Variants in AGBL1 observed in about 807,000 individuals in gnomAD.
AGBL1 encodes the protein AGBL carboxypeptidase 1, also known as cytosolic carboxypeptidase 4.
In AGBL1, 130 loss-of-function variants were observed where a neutral mutation model predicts 118.9. The observed-to-expected ratio is 1.09, with a 90% CI of 0.95 to 1.26. AGBL1 has a LOEUF of 1.26. Ranked by LOEUF, AGBL1 falls within the 50% of genes most tolerant of loss-of-function variation. The probability of loss-of-function intolerance (pLI) is 0.00; values close to 1 mark genes in which losing one functional copy is unlikely to be tolerated. For synonymous variants in AGBL1, 555 were observed against 478.9 expected (o/e 1.16, Z -2.08); for missense variants, 1,584 against 1,298.1 (o/e 1.22, Z -3.38).
At chr15:86,848,344 A>G (rs1247028762) in intron 22 of AGBL1, among the ~76,000 whole-genome samples, 1 of 152,200 alleles carries the variant, frequency 6.6e-6, no homozygotes, top group African/African-American at 2.4e-5. Flanking sequence ...TTGCTGAGCT[A>G]AAAACTGTGC....
intron 5 of AGBL1, among the ~76,000 whole-genome samples, chr15:86,212,189 G>A (rs1597561834): frequency 6.6e-6 from 1 of 152,184 alleles, no homozygotes; most frequent in Non-Finnish European, 1.5e-5. Flanking sequence ...TTACTGTATA[G>A]CAGGTGCTAT....
At chr15:86,269,286 G>C (rs1043190173) in intron 13 of AGBL1, among the ~76,000 whole-genome samples, 3 of 152,148 alleles carry the variant, frequency 2.0e-5, no homozygotes, top group Admixed American at 1.3e-4. Flanking sequence ...ATATTTACTA[G>C]GTTATTTGAT....
At chr15:87,015,313 T>G (rs1465565187) in intron 24 of AGBL1, among the ~76,000 whole-genome samples, 1 of 152,170 alleles carries the variant, frequency 6.6e-6, no homozygotes, top group Middle Eastern at 3.2e-3. Flanking sequence ...TCCATAATCA[T>G]GGAAGCCAAT....
chr15:86,536,891 C>T (rs1245376580), intron 19 of AGBL1, among the ~76,000 whole-genome samples: 1 of 152,190 alleles, frequency 6.6e-6, no homozygotes, highest in Non-Finnish European at 1.5e-5. Context: ...GAAGTGAAAA[C>T]AGAGGCTTCC....
intron 22 of AGBL1, among the ~76,000 whole-genome samples, chr15:86,894,179 A>G (rs2080090393): frequency 6.6e-6 from 1 of 152,162 alleles, no homozygotes; most frequent in Non-Finnish European, 1.5e-5. Context: ...CCACATCTCA[A>G]TATTAAGGCC....
intron 21 of AGBL1, among the ~76,000 whole-genome samples, chr15:86,612,231 T>C (rs956848059): frequency 6.6e-6 from 1 of 152,090 alleles, no homozygotes; most frequent in Admixed American, 6.6e-5. Flanking sequence ...AGTCTTTGAA[T>C]ATGCAAATAG....
chr15:86,475,181 AG>A (rs1230078248), intron 18 of AGBL1, among the ~76,000 whole-genome samples: 1 of 152,228 alleles, frequency 6.6e-6, no homozygotes, highest in Non-Finnish European at 1.5e-5. Context: ...CCCCCTCCAA[AG>A]GAACGCGACT....
chr15:86,761,308 C>A (rs906294396), intron 22 of AGBL1, among the ~76,000 whole-genome samples: 1 of 152,064 alleles, frequency 6.6e-6, no homozygotes, highest in African/African-American at 2.4e-5. Flanking sequence ...CTAATTTGCA[C>A]CACTGCACTC....
intron 22 of AGBL1, among the ~76,000 whole-genome samples, chr15:86,900,827 A>G (rs2080202006): frequency 6.6e-6 from 1 of 152,152 alleles, no homozygotes; most frequent in Non-Finnish European, 1.5e-5. Context: ...TACTTTCTGG[A>G]AAGACTGTGC....
At chr15:86,999,476 G>C (rs12909064) in intron 24 of AGBL1, among the ~76,000 whole-genome samples, 78,343 of 143,650 alleles carry the variant, frequency 0.55, 23,705 homozygotes, top group South Asian at 0.72. Context: ...GCGGTGTTTG[G>C]TTTTTTGTTC....
chr15:86,979,500 C>T (rs1439003142), intron 23 of AGBL1, among the ~76,000 whole-genome samples: 1 of 146,068 alleles, frequency 6.8e-6, no homozygotes, highest in Non-Finnish European at 1.5e-5. Flanking sequence ...TTTTTTTTGG[C>T]GGGGGGGAGA....
intron 16 of AGBL1, among the ~76,000 whole-genome samples, chr15:86,289,001 C>T (rs1374013064): frequency 6.6e-6 from 1 of 152,066 alleles, no homozygotes; most frequent in Non-Finnish European, 1.5e-5. Flanking sequence ...TATTGCCATG[C>T]TTGCTTTAAT....
chr15:86,637,843 A>C (rs2085122664), intron 21 of AGBL1, among the ~76,000 whole-genome samples: 1 of 152,240 alleles, frequency 6.6e-6, no homozygotes, highest in South Asian at 2.1e-4. Flanking sequence ...AAGTTCTTTG[A>C]GGCAGTGGAC....
chr15:86,197,956 A>G (rs1597533844), intron 5 of AGBL1, among the ~76,000 whole-genome samples: 1 of 152,122 alleles, frequency 6.6e-6, no homozygotes, highest in African/African-American at 2.4e-5. Context: ...TACCACTCAC[A>G]TCACAGCCCA....
chr15:86,542,709 A>G (rs2083521892), intron 19 of AGBL1, among the ~76,000 whole-genome samples: 1 of 152,198 alleles, frequency 6.6e-6, no homozygotes, highest in Non-Finnish European at 1.5e-5. Flanking sequence ...GCAATCCTAG[A>G]GTACAGAGGC....
chr15:86,924,632 G>A (rs562765373), intron 23 of AGBL1, among the ~76,000 whole-genome samples: 2 of 152,296 alleles, frequency 1.3e-5, no homozygotes, highest in South Asian at 4.1e-4. Flanking sequence ...GAAGCAGAGA[G>A]GGAATTGTGG....
intron 22 of AGBL1, among the ~76,000 whole-genome samples, chr15:86,776,779 TGTGTGTGTGTGAGA>T (rs1389376869): frequency 2.1e-5 from 3 of 146,050 alleles, no homozygotes; most frequent in African/African-American, 7.9e-5. Context: ...TGTGTGTGTG[TGTGTGTGTGTGAGA>T]GAGAGAGAGA....
At chr15:86,541,954 G>A (rs2083503431) in intron 19 of AGBL1, among the ~76,000 whole-genome samples, 1 of 152,158 alleles carries the variant, frequency 6.6e-6, no homozygotes, top group South Asian at 2.1e-4. Context: ...AGAAACGTGG[G>A]CAACATGTGT....
At chr15:86,674,548 G>A in intron 22 of AGBL1, 112 bp downstream of exon 22, 1 of 1,106,282 alleles carries the variant, frequency 9.0e-7, no homozygotes, top group Non-Finnish European at 1.3e-6. Flanking sequence ...AGAAAATATG[G>A]AAGAATTCCC....
Sources: allele counts gnomAD v4.1 joint callset (sites outside exome capture counted in the v4.1 genomes callset), GRCh38; gene constraint gnomAD v4.1.1; transcripts MANE v1.5; gene names NCBI Gene and HGNC (gene_info 2026-07-23, HGNC 2026-07-21).